Variants in MED26 observed in about 807,000 individuals in gnomAD.
The protein encoded by MED26 is mediator of RNA polymerase II transcription subunit 26.
A neutral mutation model predicts 43.7 loss-of-function variants in MED26; 7 were observed. That is an observed-to-expected ratio of 0.16 (90% CI 0.09 to 0.30). The LOEUF (loss-of-function observed/expected upper bound fraction) is 0.30. Ranked by LOEUF, MED26 falls within the 10% of genes least tolerant of loss-of-function variation. MED26 has a pLI of 1.00. For synonymous variants in MED26, 375 were observed against 371.1 expected (o/e 1.01, Z -0.12); for missense variants, 784 against 840.6 (o/e 0.93, Z 0.83).
At chr19:16,578,287 C>G in intron 2 of MED26, 48 bp downstream of exon 2, 1 of 1,564,422 alleles carries the variant, frequency 6.4e-7, no homozygotes, top group Non-Finnish European at 8.8e-7. Flanking sequence ...GGTACCATCC[C>G]CTGCCCCCCG....
Position 16,627,985 on chromosome 19 carries a change from G to A in MED26, c.-42C>T. 3 of 1,279,116 alleles carry A rather than the reference G, an allele frequency of 2.3e-6. No individual in the cohort carries two copies. The highest frequency in any genetic ancestry group is 3.1e-5 in the South Asian group (2 of 63,748). The allele number at this position is 1,279,116 out of a possible 1,614,324, so 79.2% of individuals were successfully genotyped here. On this transcript the variant is annotated 5_prime_UTR_variant, in exon 1 of 3. Coordinates refer to ENST00000263390, the MANE Select transcript of MED26 (RefSeq NM_004831.5). ...GGGGTTGCGGCCGGGCCAGCGGGCG[G>A]GCGGGCTGAGGCGGGGGACGGGGGT...
rs756629468 is a variant in MED26 at position 16,576,352 on chromosome 19, T to C, written c.1478A>G (p.Gln493Arg). ...GCCCGATGATGAGAGCAGGCTGCTCTGCCGGCTCAGGTAGGACTGGATGAT... is the reference window on the plus strand; with the variant it reads ...GCCCGATGATGAGAGCAGGCTGCTCCGCCGGCTCAGGTAGGACTGGATGAT... ...NEIIQSYLSR[Q>R]SSLLSSSGAQ... Residue 493 changes from glutamine to arginine, a missense_variant, in exon 3 of 3, where the codon CAG (glutamine) becomes CGG (arginine). Physicochemically the swap from Gln to Arg is conservative, Grantham distance 43. Around this residue, in one of 3 missense-constraint regions of MED26, gnomAD observed 719 missense variants for 730.9 expected, o/e 0.98. Transcript: ENST00000263390. The surrounding 1 kb of genome is among the most constrained non-coding windows in gnomAD (Gnocchi z 6.8). 6.2e-7 allele frequency: 1 copy of C among 1,614,054 alleles called. No individual in the cohort carries two copies. The highest frequency in any genetic ancestry group is 1.1e-5 in the South Asian group (1 of 91,078).
chr19:16,576,078 C>T lies in MED26; in HGVS notation c.1752G>A (p.Pro584=), dbSNP rs541096979. 8 of 1,613,824 alleles carry T rather than the reference C, an allele frequency of 5.0e-6. No homozygotes were observed. The highest frequency in any genetic ancestry group is 3.3e-5 in the Admixed American group (2 of 60,030). ...TGTTCAAGCGCCCGTCGTCGCCGTG[C>T]GGATCGAGCGATATGCACTGCGTCC... ...YDWTQCISLD[P]HGDDGRLNIL... Residue 584 remains proline, a synonymous_variant, in exon 3 of 3, where the codon CCG becomes CCA. Coordinates refer to ENST00000263390, the MANE Select transcript of MED26 (RefSeq NM_004831.5). The surrounding 1 kb of genome is among the most constrained non-coding windows in gnomAD (Gnocchi z 6.8).
chr19:16,576,872 G>C lies in MED26; in HGVS notation c.958C>G (p.Gln320Glu), dbSNP rs375083215. The part of the protein sequence containing the change: ...TQVPSPLPLA[Q>E]PSTPPVRRLE... ...CGCCGTACGGGGGGTGTGGACGGCT[G>C]TGCCAGTGGAAGCGGTGACGGCACC... is the stretch of plus-strand genomic sequence containing the variant. Residue 320 changes from glutamine to glutamate, a missense_variant, in exon 3 of 3, where the codon CAG becomes GAG. Physicochemically the swap from Gln to Glu is conservative, Grantham distance 29. This residue lies in a region of MED26 where 719 missense variants were observed against 730.9 expected (regional missense o/e 0.98). Coordinates refer to ENST00000263390, the MANE Select transcript of MED26 (RefSeq NM_004831.5). This position sits in a 1 kb window ranked among gnomAD's most constrained non-coding sequence, Gnocchi z 6.8. 6.2e-7 allele frequency: 1 copy of C among 1,610,014 alleles called. No individual in the cohort carries two copies. The highest frequency in any genetic ancestry group is 8.5e-7 in the Non-Finnish European group (1 of 1,178,070).
chr19:16,585,245 G>T (rs1466609551), intron 1 of MED26, among the ~76,000 whole-genome samples: 1 of 152,138 alleles, frequency 6.6e-6, no homozygotes, highest in East Asian at 1.9e-4. Flanking sequence ...CCGACTCTCA[G>T]GTGTCCTCAC....
intron 1 of MED26, among the ~76,000 whole-genome samples, chr19:16,599,792 C>T (rs998304194): frequency 6.6e-6 from 1 of 152,112 alleles, no homozygotes; most frequent in South Asian, 2.1e-4. Flanking sequence ...CGCAGCTGGG[C>T]AAGCCACTTC....
In MED26 at chr19:16,627,920, C is replaced by G; in HGVS notation, c.24G>C (p.Pro8=). 6.7e-7 allele frequency: 1 copy of G among 1,491,970 alleles called. No homozygotes were observed. The allele number at this position is 1,491,970 out of a possible 1,614,324, so 92.4% of individuals were successfully genotyped here. Residue 8 remains proline, a synonymous_variant, in exon 1 of 3, where the codon CCG becomes CCC. Coordinates refer to ENST00000263390, the MANE Select transcript of MED26 (RefSeq NM_004831.5). MTAAPAS[P]QQIRDRLLQA... ...GCAGCAGCCGGTCCCTGATCTGCTG[C>G]GGAGACGCCGGAGCCGCTGTCATTG...
intron 1 of MED26, among the ~76,000 whole-genome samples, chr19:16,602,316 T>C (rs1382752524): frequency 6.6e-6 from 1 of 152,180 alleles, no homozygotes; most frequent in Non-Finnish European, 1.5e-5. Flanking sequence ...CCTGAGCACT[T>C]GGAGGTAGGT....
At chr19:16,593,122 ATCC>A (rs575486553) in intron 1 of MED26, among the ~76,000 whole-genome samples, 175 of 152,278 alleles carry the variant, frequency 1.1e-3, no homozygotes, top group African/African-American at 4.2e-3. Context: ...AAAAGAAGAA[ATCC>A]TCCTACGGCC....
intron 1 of MED26, among the ~76,000 whole-genome samples, chr19:16,596,423 T>G (rs1336703019): frequency 6.6e-6 from 1 of 152,124 alleles, no homozygotes; most frequent in African/African-American, 2.4e-5. Flanking sequence ...ATAAATAATT[T>G]CCTAGGACTG....
chr19:16,621,603 C>T (rs1033391022), intron 1 of MED26, among the ~76,000 whole-genome samples: 8 of 152,166 alleles, frequency 5.3e-5, no homozygotes, highest in Admixed American at 3.3e-4. Flanking sequence ...GGTACTTCAC[C>T]TGACATGACC....
chr19:16,625,433 T>C (rs1308101961), intron 1 of MED26, among the ~76,000 whole-genome samples: 1 of 152,258 alleles, frequency 6.6e-6, no homozygotes, highest in Admixed American at 6.5e-5. Context: ...TAGCTAAGTT[T>C]GTTAACCATA....
At chr19:16,596,051 C>G (rs2086118788) in intron 1 of MED26, among the ~76,000 whole-genome samples, 1 of 152,172 alleles carries the variant, frequency 6.6e-6, no homozygotes, top group Non-Finnish European at 1.5e-5. Flanking sequence ...CGCCCTGTTG[C>G]CCAGATTGGA....
Position 16,577,033 on chromosome 19 carries a change from T to C in MED26, c.797A>G (p.Lys266Arg), listed in dbSNP as rs1599328483. 6.2e-7 allele frequency: 1 copy of C among 1,608,838 alleles called. No individual in the cohort carries two copies. Among genetic ancestry groups the C allele is most frequent in the Non-Finnish European group, 8.5e-7 (1 of 1,176,488 alleles). The change falls in exon 3 of 3, where the codon AAG becomes AGG. Residue 266 changes from lysine to arginine, a missense_variant. Lys to Arg is a conservative substitution (Grantham distance 26). This residue lies in a region of MED26 where 719 missense variants were observed against 730.9 expected (regional missense o/e 0.98). Coordinates refer to ENST00000263390, the MANE Select transcript of MED26 (RefSeq NM_004831.5). This position sits in a 1 kb window ranked among gnomAD's most constrained non-coding sequence, Gnocchi z 8.1. Reference protein sequence around the residue: ...VDETPGPPHPKGPPRCSFSPR... With the variant: ...VDETPGPPHPRGPPRCSFSPR... ...ACTGAAAGAGCAGCGAGGGGGTCCC[T>C]TGGGATGGGGAGGCCCCGGAGTCTC...
At position 16,615,183 on chromosome 19, in the gene MED26, T is replaced by C. The variant is rs373218748; in HGVS notation, c.72+12689A>G. Among the ~76,000 whole-genome samples, 30 of 151,972 alleles carry C rather than the reference T, an allele frequency of 2.0e-4. No individual in the cohort carries two copies. In the East Asian group the frequency reaches 2.5e-3, roughly 13 times the overall value. Reference sequence around the variant, plus strand: ...GCAATAGTCAGAAGACAGGGATGCTTATGGAGGCTCTGGACCCTGAGACCA... The same window carrying C: ...GCAATAGTCAGAAGACAGGGATGCTCATGGAGGCTCTGGACCCTGAGACCA... On this transcript the variant is annotated intron_variant, in intron 1 of 2. Coordinates refer to ENST00000263390, the MANE Select transcript of MED26 (RefSeq NM_004831.5).
rs896261913 is a variant in MED26, at chr19:16,578,224, G to A, written c.147+111C>T. ...CTGTGAGGGCACACCGCCTCTCTTG[G>A]TCCTCCGAAGCAAAGACACTGATGC... On this transcript the variant is annotated intron_variant, in intron 2 of 2. Coordinates refer to ENST00000263390, the MANE Select transcript of MED26 (RefSeq NM_004831.5). The A allele has an allele frequency of 3.9e-6, 4 of 1,030,074 alleles. 1 individual carries two copies. The South Asian group carries it at 5.1e-5, about 13-fold the overall frequency. 63.8% of individuals were successfully genotyped at this position (1,030,074 alleles called of 1,614,324 possible).
rs1045031545 is a variant in MED26, at chr19:16,576,300, G to A, written c.1530C>T (p.Phe510=). ...CCTCCTGCTTCAGGTACTCAGACAT[G>A]AAGTGGTGAGCCCCTGGGGTCTGCG... ...SGAQTPGAHH[F]MSEYLKQEES... is the part of the protein sequence containing the mutation. Residue 510 remains phenylalanine (F), a synonymous_variant, in exon 3 of 3, where the codon TTC becomes TTT. Transcript: ENST00000263390. The surrounding 1 kb of genome is among the most constrained non-coding windows in gnomAD (Gnocchi z 6.8). 1.2e-6 allele frequency: 2 copies of A among 1,612,708 alleles called. No homozygotes were observed. The highest frequency in any genetic ancestry group is 2.2e-5 in the South Asian group (2 of 91,088).
At chr19:16,609,306 C>T (rs1188382662) in intron 1 of MED26, among the ~76,000 whole-genome samples, 3 of 98,034 alleles carry the variant, frequency 3.1e-5, no homozygotes, top group African/African-American at 4.4e-5. Context: ...AGCGAGACTC[C>T]GTCTCAAAAA....
chr19:16,576,956 C>T lies in MED26; in HGVS notation c.874G>A (p.Ala292Thr), dbSNP rs1439178245. The stretch of plus-strand genomic sequence containing the variant: ...GGGCTGGGCACGGAGCCCTTGGGTG[C>T]ATACAAGCTCTGCTGCCGGGCAAAG... The part of the protein sequence containing the change: ...GSFARQQSLY[A>T]PKGSVPSPSP... The change falls in exon 3 of 3, where the codon GCA (alanine) becomes ACA (threonine). Residue 292 changes from alanine (A) to threonine (T), a missense_variant. Transcript: ENST00000263390. This position sits in a 1 kb window ranked among gnomAD's most constrained non-coding sequence, Gnocchi z 6.8. The T allele has an allele frequency of 2.5e-6, 4 of 1,596,976 alleles. No homozygotes were observed. The highest frequency in any genetic ancestry group is 1.1e-5 in the South Asian group (1 of 89,054).
Sources: allele counts gnomAD v4.1 joint callset (sites outside exome capture counted in the v4.1 genomes callset), GRCh38; gene constraint gnomAD v4.1.1; regional missense constraint gnomAD v4.1.1; non-coding constraint Gnocchi (gnomAD v3.1); transcripts MANE v1.5; gene names NCBI Gene and HGNC (gene_info 2026-07-23, HGNC 2026-07-21).